GPR39: variants seen among roughly 807,000 people sequenced by gnomAD.
The protein encoded by GPR39 is G protein-coupled receptor 39, also known as zinc sensing receptor.
Under a neutral mutation model 18.4 loss-of-function variants are expected in GPR39, and 23 were observed. The ratio of observed to expected loss-of-function variants is 1.25; its 90% CI spans 0.90 to 1.77. The LOEUF (loss-of-function observed/expected upper bound fraction) is 1.77, where lower values mean the gene tolerates loss of function less well. Ranked by LOEUF, GPR39 falls within the 40% of genes most tolerant of loss-of-function variation. The pLI is 0.00. For synonymous variants in GPR39, 280 were observed against 257.9 expected, an observed-to-expected ratio of 1.09 and a Z score of -0.82; for missense variants, 647 against 602.4, an observed-to-expected ratio of 1.07 and a Z score of -0.78.
At chr2:132,574,349 A>G (rs1680495068) in intron 1 of GPR39, among the ~76,000 whole-genome samples, 1 of 152,188 alleles carries the variant, frequency 6.6e-6, no homozygotes, top group Non-Finnish European at 1.5e-5. Flanking sequence ...TTGCATGTTT[A>G]TTAGTCATTT....
chr2:132,535,186 A>G (rs886485286), intron 1 of GPR39, among the ~76,000 whole-genome samples: 1 of 152,090 alleles, frequency 6.6e-6, no homozygotes, highest in Non-Finnish European at 1.5e-5. Context: ...ATATAGTATG[A>G]TATCAGCTAT....
intron 1 of GPR39, among the ~76,000 whole-genome samples, chr2:132,496,302 G>C (rs1411888285): frequency 6.6e-6 from 1 of 152,124 alleles, no homozygotes; most frequent in Non-Finnish European, 1.5e-5. Flanking sequence ...GAATATCAGA[G>C]TACAGTATCA....
chr2:132,443,822 C>T (rs1406931614), intron 1 of GPR39, among the ~76,000 whole-genome samples: 2 of 152,302 alleles, frequency 1.3e-5, no homozygotes, highest in East Asian at 3.9e-4. Context: ...GTAATCCCAG[C>T]ACTTTGAGAG....
intron 1 of GPR39, among the ~76,000 whole-genome samples, chr2:132,600,477 C>T (rs1681020663): frequency 6.6e-6 from 1 of 152,074 alleles, no homozygotes; most frequent in East Asian, 1.9e-4. Flanking sequence ...ATTGACAAAA[C>T]ATTAGCTAGA....
intron 1 of GPR39, among the ~76,000 whole-genome samples, chr2:132,582,913 TTC>T (rs376059128): frequency 0.011 from 1,313 of 120,576 alleles, 11 homozygotes; most frequent in African/African-American, 0.036. Flanking sequence ...ATTTCTTTCT[TTC>T]TTTTTTTTTT....
At chr2:132,469,799 G>A (rs1404788458) in intron 1 of GPR39, among the ~76,000 whole-genome samples, 5 of 152,194 alleles carry the variant, frequency 3.3e-5, no homozygotes, top group Non-Finnish European at 7.3e-5. Flanking sequence ...TCACTTACAT[G>A]CTGGCTGGTG....
intron 1 of GPR39, among the ~76,000 whole-genome samples, chr2:132,493,027 T>C (rs1681530240): frequency 7.3e-6 from 1 of 136,932 alleles, no homozygotes; most frequent in South Asian, 2.3e-4. Context: ...ATACTATATA[T>C]ATACCATATA....
At chr2:132,622,372 C>T (rs768339826) in intron 1 of GPR39, among the ~76,000 whole-genome samples, 79 of 151,962 alleles carry the variant, frequency 5.2e-4, no homozygotes, top group Non-Finnish European at 9.7e-4. Context: ...CCAGCCTGGG[C>T]GACAGAGTGA....
chr2:132,427,267 C>G (rs955351994), intron 1 of GPR39, among the ~76,000 whole-genome samples: 2 of 147,810 alleles, frequency 1.4e-5, no homozygotes, highest in Non-Finnish European at 3.0e-5. Flanking sequence ...CAGGTTCATG[C>G]CATACTCCTG....
At chr2:132,533,199 C>T (rs903842988) in intron 1 of GPR39, among the ~76,000 whole-genome samples, 2 of 151,594 alleles carry the variant, frequency 1.3e-5, no homozygotes, top group Non-Finnish European at 2.9e-5. Context: ...TATACACCAA[C>T]AACAGACAAA....
rs1321048863 is a variant in GPR39 at position 132,645,984 on chromosome 2, T to TG, written c.*384dup. 2.7e-5 allele frequency: 33 copies of TG among 1,235,446 alleles called. No homozygotes were observed. The highest frequency in any genetic ancestry group is 6.2e-5 in the African/African-American group (4 of 64,200). 76.5% of individuals were successfully genotyped at this position (1,235,446 alleles called of 1,614,324 possible). On this transcript the variant is annotated 3_prime_UTR_variant, in exon 2 of 2. Coordinates refer to ENST00000329321, the MANE Select transcript of GPR39 (RefSeq NM_001508.3). The stretch of plus-strand genomic sequence containing the variant: ...CCCAGAAGAAACTCACTCAGGGAGG[T>TG]GGGGGGTTGGGGGCGAGGGCTGGAA...
At position 132,577,324 on chromosome 2, in the gene GPR39, T is replaced by G. The variant is rs372949417; in HGVS notation, c.857-67777T>G. 9.4e-4 allele frequency among the ~76,000 whole-genome samples: 142 copies of G among 151,418 alleles called. 3 individuals carry two copies. The South Asian group carries it at 0.029, about 31-fold the overall frequency. ...GTGAGCCAAGATTGTGCCATTGCAC[T>G]CCAGCCTGGGCCCTGTCTCAGAAAA... On this transcript the variant is annotated intron_variant, in intron 1 of 1. Transcript: ENST00000329321.
At chr2:132,505,631 A>C (rs1679121902) in intron 1 of GPR39, among the ~76,000 whole-genome samples, 1 of 152,196 alleles carries the variant, frequency 6.6e-6, no homozygotes, top group Admixed American at 6.5e-5. Context: ...TAGCTCCTGC[A>C]AATGAGTGGG....
intron 1 of GPR39, among the ~76,000 whole-genome samples, chr2:132,492,957 T>C (rs1259794179): frequency 1.4e-5 from 2 of 143,066 alleles, no homozygotes; most frequent in Non-Finnish European, 1.5e-5. Flanking sequence ...ATATACACCA[T>C]ATATATACAC....
intron 1 of GPR39, among the ~76,000 whole-genome samples, chr2:132,515,659 T>C (rs1189981481): frequency 3.3e-5 from 5 of 152,160 alleles, no homozygotes; most frequent in African/African-American, 7.2e-5. Context: ...AGAATTCCCC[T>C]CACCCTTTCT....
rs1043265349 is a variant in GPR39 at position 132,417,984 on chromosome 2, C to G, written c.856+86C>G. The G allele has an allele frequency of 1.0e-5, 15 of 1,479,004 alleles. No homozygotes were observed. The African/African-American group carries it at 2.0e-4, about 19-fold the overall frequency. 91.6% of individuals were successfully genotyped at this position (1,479,004 alleles called of 1,614,324 possible). ...CCACTGCCTGTGGCCCTCTCCAGGGCAAGTCTTGCCCTAGAATTGCACACT... is the reference window on the plus strand; with the variant it reads ...CCACTGCCTGTGGCCCTCTCCAGGGGAAGTCTTGCCCTAGAATTGCACACT... On this transcript the variant is annotated intron_variant, in intron 1 of 1. Coordinates refer to ENST00000329321, the MANE Select transcript of GPR39 (RefSeq NM_001508.3).
At chr2:132,558,266 C>G (rs1405184076) in intron 1 of GPR39, among the ~76,000 whole-genome samples, 1 of 152,108 alleles carries the variant, frequency 6.6e-6, no homozygotes, top group Non-Finnish European at 1.5e-5. Context: ...CTAGCAATAC[C>G]TGCTCTGTTG....
At chr2:132,432,043 C>T (rs62167386) in intron 1 of GPR39, among the ~76,000 whole-genome samples, 1 of 152,134 alleles carries the variant, frequency 6.6e-6, no homozygotes, top group Admixed American at 6.5e-5. Context: ...ACCCCAGTCT[C>T]CAAGGCCAAC....
chr2:132,486,552 C>G (rs1681343423), intron 1 of GPR39, among the ~76,000 whole-genome samples: 1 of 152,236 alleles, frequency 6.6e-6, no homozygotes, highest in Non-Finnish European at 1.5e-5. Flanking sequence ...ACTTCTACAT[C>G]AGCACTTGCT....
Sources: allele counts gnomAD v4.1 joint callset (sites outside exome capture counted in the v4.1 genomes callset), GRCh38; gene constraint gnomAD v4.1.1; transcripts MANE v1.5; gene names NCBI Gene and HGNC (gene_info 2026-07-23, HGNC 2026-07-21).